PRCD: variants seen among roughly 807,000 people sequenced by gnomAD.
PRCD encodes photoreceptor disc component.
PRCD carries 12 observed loss-of-function variants against 10.1 expected under a neutral mutation model. That is an observed-to-expected ratio of 1.18 (90% CI 0.76 to 1.92). The LOEUF (loss-of-function observed/expected upper bound fraction) is 1.92. Among genes scored for constraint, PRCD ranks in the 40% most tolerant of loss-of-function variants. The probability of loss-of-function intolerance (pLI) is 0.00; values close to 1 mark genes in which losing one functional copy is unlikely to be tolerated. For missense variants in PRCD, 61 were observed against 72.2 expected (o/e 0.84, Z 0.56); for synonymous variants, 31 against 26.2 (o/e 1.18, Z -0.56).
In PRCD at chr17:76,531,621, T is replaced by C. The variant is rs771337133; in HGVS notation, n.45+3788T>C. On this transcript the variant is annotated intron_variant and non_coding_transcript_variant, in intron 1 of 4. Coordinates refer to the PRCD transcript ENST00000397633. The surrounding 1 kb of genome is among the most constrained non-coding windows in gnomAD (Gnocchi z 7.4). ...TTCCGCAGCTGGGGGCTCCGCTCCA[T>C]CTCCAGGGGATCCTCCATGTGCTTG... The C allele has an allele frequency of 1.9e-6, 3 of 1,613,164 alleles. No homozygotes were observed. Among genetic ancestry groups the C allele is most frequent in the South Asian group, 1.1e-5 (1 of 91,064 alleles).
At position 76,531,665 on chromosome 17, in the gene PRCD, T is replaced by C. The variant is rs1050440981; in HGVS notation, n.45+3832T>C. On this transcript the variant is annotated intron_variant and non_coding_transcript_variant, in intron 1 of 4. Coordinates refer to the PRCD transcript ENST00000397633. This position sits in a 1 kb window ranked among gnomAD's most constrained non-coding sequence, Gnocchi z 7.4. The stretch of plus-strand genomic sequence containing the variant: ...GTGCTTGAACTGGCTGAAGTACTGC[T>C]TGGCCGAGGGGAAGTTCACAAAGAA... 3 of 1,600,286 alleles carry C rather than the reference T, an allele frequency of 1.9e-6. No individual in the cohort carries two copies. The highest frequency in any genetic ancestry group is 2.6e-6 in the Non-Finnish European group (3 of 1,168,408).
At chr17:76,538,035 C>G (rs545873632), upstream of PRCD, 1 of 150,370 alleles carries the variant, frequency 6.7e-6, no homozygotes, top group East Asian at 2.0e-4. Context: ...TGCGCTGGGG[C>G]GGGCGCGGGC....
upstream of PRCD, chr17:76,538,597 G>A (rs1229474521): frequency 7.0e-6 from 3 of 427,362 alleles, no homozygotes; most frequent in Admixed American, 2.8e-5. Flanking sequence ...GGACCTGGCA[G>A]ACAAAAAGTC....
Position 76,543,100 on chromosome 17 carries a change from G to T in PRCD, c.*131G>T. 1 of 471,380 alleles carries T rather than the reference G, an allele frequency of 2.1e-6. No homozygotes were observed. The highest frequency in any genetic ancestry group is 4.4e-6 in the Non-Finnish European group (1 of 227,228). 29.2% of individuals were successfully genotyped at this position (471,380 alleles called of 1,614,324 possible). A position where few individuals can be genotyped will look rare whatever the true frequency, so the allele number is the denominator to read the frequency against. ...TGCAGCAGCGGCAAGAGGGAGAATG[G>T]GGGGAAGCAGCACTAGAGAAGGTAG... On this transcript the variant is annotated 3_prime_UTR_variant, in exon 4 of 5. Coordinates refer to ENST00000592014, the MANE Select transcript of PRCD (RefSeq NM_001077620.3).
Position 76,540,359 on chromosome 17 carries a change from A to G in PRCD, c.74+144A>G. The G allele has an allele frequency of 7.9e-7, 1 of 1,271,268 alleles. No homozygotes were observed. Among genetic ancestry groups the G allele is most frequent in the Non-Finnish European group, 1.1e-6 (1 of 883,790 alleles). 78.7% of individuals were successfully genotyped at this position (1,271,268 alleles called of 1,614,324 possible). On this transcript the variant is annotated intron_variant, in intron 1 of 4. Transcript: ENST00000592014. The surrounding 1 kb of genome is among the most constrained non-coding windows in gnomAD (Gnocchi z 5.0). ...CATTTTGAGGAACCCTTGAGAGAGC[A>G]CAGTCTCAGAGCAGGGGGACTTAGA...
rs4648336 is a variant in PRCD at position 76,530,556 on chromosome 17, C to T, written n.45+2723C>T. ...GCAGAGGGCATTTAGCAGCACTGGT[C>T]GGCATGAGATGAAAAAACAGCCCCT... On this transcript the variant is annotated intron_variant and non_coding_transcript_variant, in intron 1 of 4. Transcript: ENST00000397633. The surrounding 1 kb of genome is among the most constrained non-coding windows in gnomAD (Gnocchi z 6.1). Among the ~76,000 whole-genome samples, 19,899 of 152,026 alleles carry T rather than the reference C, an allele frequency of 0.13. 1,332 individuals carry two copies. Among genetic ancestry groups the T allele is most frequent in the African/African-American group, 0.16 (6,755 of 41,436 alleles).
At chr17:76,539,622 C>T (rs768608782), upstream of PRCD, among the ~76,000 whole-genome samples, 4 of 152,218 alleles carry the variant, frequency 2.6e-5, no homozygotes, top group Admixed American at 6.5e-5. Context: ...ATTCACCTTG[C>T]AGTTACTGGC....
intron 1 of PRCD, among the ~76,000 whole-genome samples, chr17:76,534,146 T>TTCTCTCTCTCTC (rs71158013): frequency 0.022 from 2,786 of 128,910 alleles, 61 homozygotes; most frequent in South Asian, 0.034. Flanking sequence ...CTCTTTCTCT[T>TTCTCTCTCTCTC]TCTCTCTCTC....
In PRCD at chr17:76,528,368, G is replaced by A. The variant is rs999922961; in HGVS notation, n.45+535G>A. 9 of 420,878 alleles carry A rather than the reference G, an allele frequency of 2.1e-5. No individual in the cohort carries two copies. The highest frequency in any genetic ancestry group is 1.2e-4 in the African/African-American group (6 of 48,920). The allele number at this position is 420,878 out of a possible 1,614,324, so 26.1% of individuals were successfully genotyped here. A position where few individuals can be genotyped will look rare whatever the true frequency, so the allele number is the denominator to read the frequency against. On this transcript the variant is annotated intron_variant and non_coding_transcript_variant, in intron 1 of 4. Coordinates refer to the PRCD transcript ENST00000397633. This position sits in a 1 kb window ranked among gnomAD's most constrained non-coding sequence, Gnocchi z 5.8. ...AAGAAGAGTGGGCCCCGCTCTGCCC[G>A]CCGCGCTGGGGTCAGCATCCAGGCA...
chr17:76,527,901 T>A (rs2074786014), intron 1 of PRCD: 1 of 430,392 alleles, frequency 2.3e-6, no homozygotes, highest in Non-Finnish European at 4.7e-6. Flanking sequence ...AATTCAGGAA[T>A]GTGGGGAGCT....
At chr17:76,539,511 C>T (rs1055374259), upstream of PRCD, among the ~76,000 whole-genome samples, 2 of 152,212 alleles carry the variant, frequency 1.3e-5, no homozygotes, top group South Asian at 2.1e-4. Flanking sequence ...GCCAGCCCTT[C>T]ACTGTTGAGT....
At chr17:76,549,232 C>A (rs1041147292), downstream of PRCD, among the ~76,000 whole-genome samples, 15 of 152,170 alleles carry the variant, frequency 9.9e-5, no homozygotes, top group Non-Finnish European at 2.1e-4. Flanking sequence ...ACATAAAGAA[C>A]TTTTACAATT....
chr17:76,543,763 C>G (rs1238208990), intron 4 of PRCD, 40 bp from the exon 5 acceptor site: 1 of 470,108 alleles, frequency 2.1e-6, no homozygotes, highest in Non-Finnish European at 4.4e-6. Flanking sequence ...GTCGGTTTGC[C>G]ACAGTGGCAC....
chr17:76,530,919 CG>C lies in PRCD; in HGVS notation n.45+3090del. Reference sequence around the variant, plus strand: ...GGGCCTCAGGAGATATGGGAGACCTCGGGGACAGCAGAGGACATGGCGGGGA... The same window carrying C: ...GGGCCTCAGGAGATATGGGAGACCTCGGGACAGCAGAGGACATGGCGGGGA... On this transcript the variant is annotated intron_variant and non_coding_transcript_variant, in intron 1 of 4. Coordinates refer to the PRCD transcript ENST00000397633. This position sits in a 1 kb window ranked among gnomAD's most constrained non-coding sequence, Gnocchi z 6.1. 1 of 1,499,246 alleles carries C rather than the reference CG, an allele frequency of 6.7e-7. No homozygotes were observed. The highest frequency in any genetic ancestry group is 8.9e-7 in the Non-Finnish European group (1 of 1,118,322). 92.9% of individuals were successfully genotyped at this position (1,499,246 alleles called of 1,614,324 possible). A position where few individuals can be genotyped will look rare whatever the true frequency, so the allele number is the denominator to read the frequency against.
rs151090701 is a variant in PRCD at position 76,540,300 on chromosome 17, G to C, written c.74+85G>C. ...GCTGCCACCAAGCTGAAGGTGGGCA[G>C]GGGCTGCGTGAACCTTCAGCGGGGC... On this transcript the variant is annotated intron_variant, in intron 1 of 4. Transcript: ENST00000592014. The surrounding 1 kb of genome is among the most constrained non-coding windows in gnomAD (Gnocchi z 5.0). The C allele has an allele frequency of 4.3e-4, 617 of 1,446,388 alleles. 2 individuals carry two copies. The African/African-American group carries it at 7.1e-3, about 17-fold the overall frequency. The allele number at this position is 1,446,388 out of a possible 1,614,324, so 89.6% of individuals were successfully genotyped here.
chr17:76,529,104 A>C, intron 1 of PRCD: 4 of 974,700 alleles, frequency 4.1e-6, no homozygotes, highest in Non-Finnish European at 4.8e-6. Flanking sequence ...ACGGCTCAAT[A>C]AACAGTGGCG....
In PRCD at chr17:76,530,644, C is replaced by T. The variant is rs980300172; in HGVS notation, n.45+2811C>T. 2.6e-5 allele frequency among the ~76,000 whole-genome samples: 4 copies of T among 152,308 alleles called. No homozygotes were observed. The highest frequency in any genetic ancestry group is 7.2e-5 in the African/African-American group (3 of 41,556). On this transcript the variant is annotated intron_variant and non_coding_transcript_variant, in intron 1 of 4. Transcript: ENST00000397633. The surrounding 1 kb of genome is among the most constrained non-coding windows in gnomAD (Gnocchi z 6.1). ...CTGGGCTGCCTCCGAGCCTGATGATCGGACCTTACCGCCAGGAGCCTCTGG... is the reference window on the plus strand; with the variant it reads ...CTGGGCTGCCTCCGAGCCTGATGATTGGACCTTACCGCCAGGAGCCTCTGG...
intron 1 of PRCD, among the ~76,000 whole-genome samples, chr17:76,534,174 C>CTCTCTCTG (rs1567907867): frequency 9.4e-6 from 1 of 106,072 alleles, no homozygotes. Flanking sequence ...CTCTCTCTCT[C>CTCTCTCTG]TCTTTCTTTC....
At position 76,544,359 on chromosome 17, in the gene PRCD, G is replaced by A; in HGVS notation, c.*709G>A. 2 of 454,774 alleles carry A rather than the reference G, an allele frequency of 4.4e-6. No individual in the cohort carries two copies. Among genetic ancestry groups the A allele is most frequent in the South Asian group, 1.6e-5 (1 of 64,484 alleles). 28.2% of individuals were successfully genotyped at this position (454,774 alleles called of 1,614,324 possible). ...GCCGCCACTCTGCCTCTGAAGGGAAGGAAGGGAAAGGGTGAGGGATGCCGC... is the reference window on the plus strand; with the variant it reads ...GCCGCCACTCTGCCTCTGAAGGGAAAGAAGGGAAAGGGTGAGGGATGCCGC... On this transcript the variant is annotated 3_prime_UTR_variant, in exon 5 of 5. Coordinates refer to ENST00000592014, the MANE Select transcript of PRCD (RefSeq NM_001077620.3).
Sources: allele counts gnomAD v4.1 joint callset (sites outside exome capture counted in the v4.1 genomes callset), GRCh38; gene constraint gnomAD v4.1.1; non-coding constraint Gnocchi (gnomAD v3.1); transcripts MANE v1.5; gene names NCBI Gene and HGNC (gene_info 2026-07-23, HGNC 2026-07-21).